Variants in MYO5A observed in about 807,000 individuals in gnomAD.
MYO5A encodes myosin VA, also known as unconventional myosin-Va.
Under a neutral mutation model 249.7 loss-of-function variants are expected in MYO5A, and 98 were observed. The ratio of observed to expected loss-of-function variants is 0.39; its 90% CI spans 0.33 to 0.46. The LOEUF (loss-of-function observed/expected upper bound fraction) is 0.46. MYO5A is among the 20% of genes least tolerant of loss of function. The pLI, the probability that MYO5A is intolerant of heterozygous loss-of-function variation, is 0.98. For synonymous variants in MYO5A, 778 were observed against 810.6 expected, an observed-to-expected ratio of 0.96 and a Z score of 0.68; for missense variants, 1,696 against 2,308.8, an observed-to-expected ratio of 0.73 and a Z score of 5.44.
chr15:52,489,987 T>C (rs1595780748), intron 1 of MYO5A, among the ~76,000 whole-genome samples: 2 of 152,286 alleles, frequency 1.3e-5, no homozygotes, highest in South Asian at 2.1e-4. Context: ...CATTAATCAT[T>C]AGGGAAATGC....
At chr15:52,505,762 G>T in intron 1 of MYO5A, 1 of 1,508,562 alleles carries the variant, frequency 6.6e-7, no homozygotes, top group Non-Finnish European at 9.1e-7. Context: ...ACAGTGTGTA[G>T]TTGAGGATGA....
In MYO5A at chr15:52,308,604, C is replaced by T. The variant is rs1034058221; in HGVS notation, c.*5092G>A. 17 of 152,378 alleles carry T rather than the reference C, an allele frequency of 1.1e-4. No individual in the cohort carries two copies. Among genetic ancestry groups the T allele is most frequent in the Admixed American group, 9.8e-4 (15 of 15,284 alleles). 9.4% of individuals were successfully genotyped at this position (152,378 alleles called of 1,614,324 possible). A position where few individuals can be genotyped will look rare whatever the true frequency, so the allele number is the denominator to read the frequency against. On this transcript the variant is annotated 3_prime_UTR_variant, in exon 42 of 42. Coordinates refer to ENST00000399233, the MANE Select transcript of MYO5A (RefSeq NM_001382347.1). ...TCAGAAGCATTCTCTAAGCTGGCCT[C>T]TCACTGGCTCTGAGACTGTTGCTGC...
chr15:52,471,243 T>C (rs2141451278), intron 1 of MYO5A, among the ~76,000 whole-genome samples: 1 of 152,232 alleles, frequency 6.6e-6, no homozygotes, highest in African/African-American at 2.4e-5. Flanking sequence ...TACTCAATTC[T>C]CTTCCTTACT....
intron 1 of MYO5A, among the ~76,000 whole-genome samples, chr15:52,455,003 TA>T (rs368172533): frequency 2.5e-4 from 37 of 146,200 alleles, no homozygotes; most frequent in South Asian, 6.4e-4. Flanking sequence ...AAATTGAAAC[TA>T]AAAAAAAAAT....
chr15:52,311,356 C>T lies in MYO5A; in HGVS notation c.*2340G>A, dbSNP rs1050298674. On this transcript the variant is annotated 3_prime_UTR_variant, in exon 42 of 42. Transcript: ENST00000399233. ...AGCAACTCCCCAACTTACAGCCTATCGGATGCTGTTAGATTCTGACACATT... is the reference window on the plus strand; with the variant it reads ...AGCAACTCCCCAACTTACAGCCTATTGGATGCTGTTAGATTCTGACACATT... 1.3e-5 allele frequency: 2 copies of T among 152,174 alleles called. No homozygotes were observed. The highest frequency in any genetic ancestry group is 2.9e-5 in the Non-Finnish European group (2 of 68,044). The allele number at this position is 152,174 out of a possible 1,614,324, so 9.4% of individuals were successfully genotyped here. A position where few individuals can be genotyped will look rare whatever the true frequency, so the allele number is the denominator to read the frequency against.
chr15:52,508,396 A>G (rs1481905986), intron 1 of MYO5A, among the ~76,000 whole-genome samples: 2 of 151,800 alleles, frequency 1.3e-5, no homozygotes, highest in Non-Finnish European at 2.9e-5. Context: ...AAAAAAAAAA[A>G]GTAGAACTAA....
chr15:52,503,939 A>G (rs1022037702), intron 1 of MYO5A, among the ~76,000 whole-genome samples: 4 of 152,168 alleles, frequency 2.6e-5, no homozygotes, highest in African/African-American at 9.7e-5. Flanking sequence ...TTTACCATCA[A>G]CTTCACATAA....
intron 30 of MYO5A, among the ~76,000 whole-genome samples, chr15:52,346,095 C>T (rs1209544810): frequency 6.6e-6 from 1 of 152,166 alleles, no homozygotes; most frequent in Non-Finnish European, 1.5e-5. Context: ...CTCAAGGCAG[C>T]CCCTTAAAGC....
intron 4 of MYO5A, among the ~76,000 whole-genome samples, chr15:52,417,894 C>T (rs2043587730): frequency 6.6e-6 from 1 of 152,142 alleles, no homozygotes; most frequent in African/African-American, 2.4e-5. Context: ...TCTGTTATAG[C>T]AGCAGAAACT....
chr15:52,415,257 G>A (rs2043424581), intron 5 of MYO5A, among the ~76,000 whole-genome samples: 2 of 152,296 alleles, frequency 1.3e-5, no homozygotes, highest in African/African-American at 2.4e-5. Context: ...TTTTTAACAA[G>A]GAAGGTTTGC....
upstream of MYO5A, chr15:52,528,906 GGAGCA>G (rs1445688255): frequency 4.2e-6 from 5 of 1,204,174 alleles, no homozygotes; most frequent in African/African-American, 6.5e-5. Flanking sequence ...CCGCCGGCAG[GGAGCA>G]GGGCAGGGCA....
At chr15:52,445,747 G>A (rs1418803324) in intron 1 of MYO5A, among the ~76,000 whole-genome samples, 2 of 152,196 alleles carry the variant, frequency 1.3e-5, no homozygotes, top group East Asian at 1.9e-4. Context: ...CGTGTGTTAC[G>A]CCTCACCAAA....
intron 20 of MYO5A, among the ~76,000 whole-genome samples, chr15:52,374,469 T>C (rs1040590490): frequency 6.6e-6 from 1 of 152,234 alleles, no homozygotes; most frequent in African/African-American, 2.4e-5. Context: ...ATGCTATTTA[T>C]TCAGAAAAAG....
At chr15:52,359,523 G>A (rs1330062169) in intron 25 of MYO5A, among the ~76,000 whole-genome samples, 1 of 152,036 alleles carries the variant, frequency 6.6e-6, no homozygotes, top group Non-Finnish European at 1.5e-5. Context: ...CTAAACTCTG[G>A]GGCACTGGTG....
intron 1 of MYO5A, among the ~76,000 whole-genome samples, chr15:52,446,754 A>G (rs2075899795): frequency 6.6e-6 from 1 of 152,242 alleles, no homozygotes; most frequent in Non-Finnish European, 1.5e-5. Flanking sequence ...CACTCTTTCT[A>G]TCAGTGTGCC....
chr15:52,457,723 T>C (rs1227950063), intron 1 of MYO5A, among the ~76,000 whole-genome samples: 2 of 152,150 alleles, frequency 1.3e-5, no homozygotes, highest in Non-Finnish European at 2.9e-5. Flanking sequence ...AGTCTAAAAA[T>C]AGAACTACCA....
chr15:52,322,346 G>T (rs541877181), intron 37 of MYO5A, among the ~76,000 whole-genome samples: 2 of 152,236 alleles, frequency 1.3e-5, no homozygotes, highest in Non-Finnish European at 2.9e-5. Flanking sequence ...CAGTGCTCAG[G>T]AAGTGCCGCT....
At position 52,437,370 on chromosome 15, in the gene MYO5A, G is replaced by A. The variant is rs559065413; in HGVS notation, c.28-4085C>T. Reference sequence around the variant, plus strand: ...AGCTCTTTGGGAGGCTTAGGCAGGCGGATCACTTGAGCTCAGGAGTTAGAG... The same window carrying A: ...AGCTCTTTGGGAGGCTTAGGCAGGCAGATCACTTGAGCTCAGGAGTTAGAG... On this transcript the variant is annotated intron_variant, in intron 1 of 41. Coordinates refer to ENST00000399233, the MANE Select transcript of MYO5A (RefSeq NM_001382347.1). 1.0e-3 allele frequency among the ~76,000 whole-genome samples: 159 copies of A among 152,162 alleles called. 3 individuals carry two copies. Among genetic ancestry groups the A allele is most frequent in the Middle Eastern group, 3.4e-3 (1 of 294 alleles).
chr15:52,347,509 G>C (rs1003980248), intron 29 of MYO5A, among the ~76,000 whole-genome samples: 1 of 152,048 alleles, frequency 6.6e-6, no homozygotes, highest in Non-Finnish European at 1.5e-5. Flanking sequence ...TCTAAGCTCA[G>C]GCCTTGCAAT....
Sources: allele counts gnomAD v4.1 joint callset (sites outside exome capture counted in the v4.1 genomes callset), GRCh38; gene constraint gnomAD v4.1.1; transcripts MANE v1.5; gene names NCBI Gene and HGNC (gene_info 2026-07-23, HGNC 2026-07-21).